Variants in CACNB2 observed in about 807,000 individuals in gnomAD.
CACNB2 encodes calcium voltage-gated channel auxiliary subunit beta 2.
CACNB2 carries 42 observed loss-of-function variants against 73.3 expected under a neutral mutation model. That is an observed-to-expected ratio of 0.57 (90% CI 0.45 to 0.74). The LOEUF (loss-of-function observed/expected upper bound fraction) is 0.74. CACNB2 is among the 30% of genes least tolerant of loss of function. The pLI is 0.00. For missense variants in CACNB2, 940 were observed against 853.0 expected, an observed-to-expected ratio of 1.10 and a Z score of -1.27; for synonymous variants, 348 against 310.3, an observed-to-expected ratio of 1.12 and a Z score of -1.28.
chr10:18,254,315 T>C (rs929430111), intron 2 of CACNB2, among the ~76,000 whole-genome samples: 1 of 152,236 alleles, frequency 6.6e-6, no homozygotes, highest in African/African-American at 2.4e-5. Flanking sequence ...ATCTTGAATG[T>C]AGCAAGTGTA....
At chr10:18,242,518 A>G (rs1202312806) in intron 2 of CACNB2, among the ~76,000 whole-genome samples, 1 of 152,202 alleles carries the variant, frequency 6.6e-6, no homozygotes, top group Non-Finnish European at 1.5e-5. Context: ...ATTACAAGAA[A>G]ATAAGTTGAA....
chr10:18,377,914 A>G (rs1476008224), intron 2 of CACNB2, among the ~76,000 whole-genome samples: 1 of 152,214 alleles, frequency 6.6e-6, no homozygotes. Flanking sequence ...ATTTTTACCC[A>G]GACCTGGGAA....
chr10:18,527,278 A>G (rs1009257559), intron 9 of CACNB2, among the ~76,000 whole-genome samples: 15 of 152,134 alleles, frequency 9.9e-5, no homozygotes, highest in African/African-American at 3.6e-4. Flanking sequence ...CCAGAGGCTG[A>G]GGCAGGAGAA....
intron 3 of CACNB2, among the ~76,000 whole-genome samples, chr10:18,413,477 C>A (rs751244815): frequency 1.3e-5 from 2 of 152,182 alleles, no homozygotes; most frequent in African/African-American, 4.8e-5. Flanking sequence ...GGATCTCTGT[C>A]GGTTCTGCCA....
chr10:18,168,897 G>A (rs575149969), intron 2 of CACNB2, among the ~76,000 whole-genome samples: 43 of 152,240 alleles, frequency 2.8e-4, no homozygotes, highest in Middle Eastern at 3.4e-3. Context: ...TAAGGCTTGT[G>A]TTTCCCTGCA....
At chr10:18,265,473 G>C (rs1336257445) in intron 2 of CACNB2, among the ~76,000 whole-genome samples, 1 of 152,060 alleles carries the variant, frequency 6.6e-6, no homozygotes, top group African/African-American at 2.4e-5. Context: ...CAAGTATCTT[G>C]CTTCTTTTTG....
At position 18,331,796 on chromosome 10, in the gene CACNB2, C is replaced by A. The variant is rs141968204; in HGVS notation, c.214-70128C>A. 1.4e-3 allele frequency among the ~76,000 whole-genome samples: 219 copies of A among 152,294 alleles called. 2 individuals are homozygous for A. Among genetic ancestry groups the A allele is most frequent in the African/African-American group, 5.0e-3 (206 of 41,564 alleles). ...GATCTCCAAATCTAAATCTGGTGTA[C>A]TCTTCACTGTACTGAATGAACTTCA... On this transcript the variant is annotated intron_variant, in intron 2 of 13. Coordinates refer to ENST00000324631, the MANE Select transcript of CACNB2 (RefSeq NM_201596.3).
chr10:18,264,244 A>G (rs1377213047), intron 2 of CACNB2, among the ~76,000 whole-genome samples: 4 of 152,228 alleles, frequency 2.6e-5, no homozygotes, highest in Non-Finnish European at 5.9e-5. Flanking sequence ...GCTTGGATAC[A>G]GGTATGCAAT....
At chr10:18,391,365 G>A (rs753674384) in intron 2 of CACNB2, among the ~76,000 whole-genome samples, 3 of 152,176 alleles carry the variant, frequency 2.0e-5, no homozygotes, top group East Asian at 1.9e-4. Flanking sequence ...TTAGGAATGC[G>A]AAAATGGATC....
intron 2 of CACNB2, among the ~76,000 whole-genome samples, chr10:18,320,138 A>G (rs919002651): frequency 6.6e-6 from 1 of 152,028 alleles, no homozygotes; most frequent in African/African-American, 2.4e-5. Context: ...CCATAAACTG[A>G]TATCTCACCA....
intron 2 of CACNB2, among the ~76,000 whole-genome samples, chr10:18,336,373 C>G (rs1219589922): frequency 6.6e-6 from 1 of 152,190 alleles, no homozygotes; most frequent in Admixed American, 6.5e-5. Context: ...TAATCCCACA[C>G]TTTGGGAGGC....
chr10:18,201,201 T>C (rs2034863262), intron 2 of CACNB2, among the ~76,000 whole-genome samples: 1 of 152,162 alleles, frequency 6.6e-6, no homozygotes, highest in South Asian at 2.1e-4. Context: ...CTGTGGTTGG[T>C]TGTTCATTAG....
intron 2 of CACNB2, among the ~76,000 whole-genome samples, chr10:18,182,719 G>T (rs1441565654): frequency 6.6e-6 from 1 of 151,580 alleles, no homozygotes; most frequent in Non-Finnish European, 1.5e-5. Context: ...CTACTCGGGA[G>T]GCTGAGGCAG....
rs145884093 is a variant in CACNB2 at position 18,496,141 on chromosome 10, G to A, written c.334-2214G>A. 2.5e-3 allele frequency among the ~76,000 whole-genome samples: 349 copies of A among 137,406 alleles called. 1 individual carries two copies. The highest frequency in any genetic ancestry group is 3.2e-3 in the Non-Finnish European group (210 of 66,480). 90.1% of individuals were successfully genotyped at this position (137,406 alleles called of 152,430 possible). ...GCAGAGGTTGCAGTGAGCTGGGATC[G>A]TGCCACTGCACTCCAGCCTGGGCAT... On this transcript the variant is annotated intron_variant, in intron 3 of 13. Coordinates refer to ENST00000324631, the MANE Select transcript of CACNB2 (RefSeq NM_201596.3).
At chr10:18,530,894 G>T (rs113385566) in intron 10 of CACNB2, among the ~76,000 whole-genome samples, 1 of 152,156 alleles carries the variant, frequency 6.6e-6, no homozygotes, top group African/African-American at 2.4e-5. Flanking sequence ...AAGCGATGAC[G>T]CTTCACTTCT....
chr10:18,164,549 A>G (rs2032706046), intron 2 of CACNB2, among the ~76,000 whole-genome samples: 1 of 152,062 alleles, frequency 6.6e-6, no homozygotes, highest in South Asian at 2.1e-4. Context: ...AAAGAGGCCA[A>G]AACAATTTTA....
At chr10:18,243,024 A>C (rs2036724821) in intron 2 of CACNB2, among the ~76,000 whole-genome samples, 1 of 151,570 alleles carries the variant, frequency 6.6e-6, no homozygotes, top group Non-Finnish European at 1.5e-5. Context: ...AAAAAACAAA[A>C]AAAAGAAAAC....
At chr10:18,427,226 G>T (rs1016430452) in intron 3 of CACNB2, among the ~76,000 whole-genome samples, 1 of 152,160 alleles carries the variant, frequency 6.6e-6, no homozygotes, top group South Asian at 2.1e-4. Context: ...TATCTTTAAA[G>T]GTGGTCATAT....
chr10:18,479,795 C>T (rs1007702730), intron 3 of CACNB2, among the ~76,000 whole-genome samples: 1 of 152,174 alleles, frequency 6.6e-6, no homozygotes, highest in Non-Finnish European at 1.5e-5. Flanking sequence ...CCTGAGGCCT[C>T]CTGTTAAGCC....
Sources: allele counts gnomAD v4.1 joint callset (sites outside exome capture counted in the v4.1 genomes callset), GRCh38; gene constraint gnomAD v4.1.1; transcripts MANE v1.5; gene names NCBI Gene and HGNC (gene_info 2026-07-23, HGNC 2026-07-21).